The following SAMD5 variants were observed in gnomAD, a reference collection of about 807,000 sequenced individuals.
The protein encoded by SAMD5 is sterile alpha motif domain containing 5.
In SAMD5, 13 loss-of-function variants were observed where a neutral mutation model predicts 11.3. The observed-to-expected ratio is 1.15, with a 90% confidence interval of 0.75 to 1.83. The LOEUF (loss-of-function observed/expected upper bound fraction) is 1.83. SAMD5 is among the 40% of genes most tolerant of loss of function. SAMD5 has a pLI of 0.00. For synonymous variants in SAMD5, 129 were observed against 111.3 expected (o/e 1.16, Z -1.00); for missense variants, 255 against 239.1 (o/e 1.07, Z -0.44).
chr6:147,644,569 T>C (rs1790368611), intron 1 of SAMD5, among the ~76,000 whole-genome samples: 1 of 152,192 alleles, frequency 6.6e-6, no homozygotes, highest in South Asian at 2.1e-4. Context: ...TTCTAGATAA[T>C]GCATCAGTAT....
chr6:147,897,197 C>A, the SAMD5 span, among the ~76,000 whole-genome samples: 1 of 152,140 alleles, frequency 6.6e-6, no homozygotes, highest in Non-Finnish European at 1.5e-5. Flanking sequence ...TTTAAAAAAT[C>A]TTATAGCCCC....
In SAMD5 at chr6:147,508,878, T is replaced by C; in HGVS notation, c.-51T>C. The C allele has an allele frequency of 6.3e-7, 1 of 1,577,730 alleles. No individual in the cohort carries two copies. Among genetic ancestry groups the C allele is most frequent in the Non-Finnish European group, 8.6e-7 (1 of 1,163,942 alleles). On this transcript the variant is annotated 5_prime_UTR_variant, in exon 1 of 2. Transcript: ENST00000367474. ...AAGTTCCAAGAACTGGTGCCGCCCG[T>C]GCCATTTGGGCGCTGGGAAGGTGCT...
In SAMD5 at chr6:147,688,146, C is replaced by CT. The variant is rs1015479018; in HGVS notation, c.163-49163dup. Among the ~76,000 whole-genome samples the CT allele has an allele frequency of 7.9e-5, 12 of 151,574 alleles. No homozygotes were observed. The South Asian group carries it at 8.3e-4, about 10-fold the overall frequency. ...TCCTTTGTTTCTGTTTTCCTTCTTT[C>CT]TTTTTTTTAGTTTTGAGTTCCTGCT... On this transcript the variant is annotated intron_variant, in intron 1 of 1. Coordinates refer to the SAMD5 transcript ENST00000566741.
intron 1 of SAMD5, among the ~76,000 whole-genome samples, chr6:147,701,232 C>T (rs768287224): frequency 5.7e-4 from 87 of 152,124 alleles, no homozygotes; most frequent in Non-Finnish European, 9.7e-4. Context: ...AAGCACTGTA[C>T]ATTTTTGTAA....
intron 1 of SAMD5, among the ~76,000 whole-genome samples, chr6:147,622,886 C>A (rs557032072): frequency 6.6e-6 from 1 of 152,276 alleles, no homozygotes; most frequent in African/African-American, 2.4e-5. Flanking sequence ...TACGTGGTGG[C>A]AGGCAAGAGA....
intron 1 of SAMD5, among the ~76,000 whole-genome samples, chr6:147,677,791 C>T (rs191811197): frequency 6.6e-6 from 1 of 152,016 alleles, no homozygotes; most frequent in African/African-American, 2.4e-5. Context: ...TAGTAGGGAG[C>T]CTTGTGAATT....
intron 1 of SAMD5, among the ~76,000 whole-genome samples, chr6:147,538,848 A>T (rs1269371378): frequency 9.9e-5 from 15 of 152,214 alleles, no homozygotes; most frequent in Admixed American, 9.8e-4. Flanking sequence ...TCATGTGAAC[A>T]AAACGGCATT....
chr6:147,641,060 G>T (rs977161590), intron 1 of SAMD5, among the ~76,000 whole-genome samples: 1 of 152,138 alleles, frequency 6.6e-6, no homozygotes, highest in Non-Finnish European at 1.5e-5. Flanking sequence ...TCCAGTAGAC[G>T]TTAACAATGG....
chr6:147,568,881 A>G lies in SAMD5; in HGVS notation c.*4425A>G. ...TAGTCCATGATCATTAATCCCTACT[A>G]TTTTAGATATTTCCATAAAAGGCTT... On this transcript the variant is annotated 3_prime_UTR_variant, in exon 2 of 2. Coordinates refer to ENST00000367474, the MANE Select transcript of SAMD5 (RefSeq NM_001030060.3). 1.0e-6 allele frequency: 1 copy of G among 969,262 alleles called. No individual in the cohort carries two copies. The allele number at this position is 969,262 out of a possible 1,614,324, so 60.0% of individuals were successfully genotyped here.
chr6:147,606,073 A>G (rs973591852), intron 1 of SAMD5, among the ~76,000 whole-genome samples: 1 of 152,156 alleles, frequency 6.6e-6, no homozygotes, highest in Non-Finnish European at 1.5e-5. Flanking sequence ...AGACAGAATT[A>G]GGTTCTATTC....
At chr6:147,762,474 C>T in the SAMD5 span, among the ~76,000 whole-genome samples, 3 of 151,742 alleles carry the variant, frequency 2.0e-5, no homozygotes, top group Non-Finnish European at 4.4e-5. Flanking sequence ...GCTGGGATTA[C>T]AGGCATGAGC....
At chr6:147,691,064 A>G (rs73014022) in intron 1 of SAMD5, among the ~76,000 whole-genome samples, 16,917 of 149,186 alleles carry the variant, frequency 0.11, 1,068 homozygotes, top group Middle Eastern at 0.16. Flanking sequence ...GCACAACCTT[A>G]GCTTACTGCA....
chr6:147,596,617 C>T (rs922785763), intron 1 of SAMD5, among the ~76,000 whole-genome samples: 2 of 152,066 alleles, frequency 1.3e-5, no homozygotes, highest in African/African-American at 4.8e-5. Flanking sequence ...GTTCTCTTTC[C>T]CCAATTATTA....
chr6:147,670,907 T>G (rs1361712144), intron 1 of SAMD5, among the ~76,000 whole-genome samples: 1 of 152,250 alleles, frequency 6.6e-6, no homozygotes, highest in Non-Finnish European at 1.5e-5. Context: ...CTTTCCTGTT[T>G]GGCACCAGAG....
intron 1 of SAMD5, among the ~76,000 whole-genome samples, chr6:147,714,738 A>G (rs1382524826): frequency 6.6e-6 from 1 of 152,214 alleles, no homozygotes; most frequent in African/African-American, 2.4e-5. Flanking sequence ...ACAGCTTGTT[A>G]TAATACAGAT....
the SAMD5 span, among the ~76,000 whole-genome samples, chr6:147,899,635 C>T: frequency 7.9e-5 from 12 of 152,206 alleles, no homozygotes; most frequent in Non-Finnish European, 1.3e-4. Flanking sequence ...CTTACTCCAG[C>T]CTGTTCTATT....
At chr6:147,649,650 G>C (rs970769897) in intron 1 of SAMD5, among the ~76,000 whole-genome samples, 1 of 152,140 alleles carries the variant, frequency 6.6e-6, no homozygotes, top group Non-Finnish European at 1.5e-5. Flanking sequence ...AATTAGCCAG[G>C]CATGATGGCA....
chr6:147,819,806 G>A, the SAMD5 span, among the ~76,000 whole-genome samples: 1 of 152,204 alleles, frequency 6.6e-6, no homozygotes, highest in Non-Finnish European at 1.5e-5. Context: ...AATAAAAATT[G>A]CTAGAGTTAA....
intron 1 of SAMD5, among the ~76,000 whole-genome samples, chr6:147,552,976 T>A (rs111681230): frequency 0.019 from 2,882 of 152,332 alleles, 89 homozygotes; most frequent in African/African-American, 0.065. Flanking sequence ...TCTAAAGATG[T>A]GTCTAAGTAT....
Sources: allele counts gnomAD v4.1 joint callset (sites outside exome capture counted in the v4.1 genomes callset), GRCh38; gene constraint gnomAD v4.1.1; transcripts MANE v1.5; gene names NCBI Gene and HGNC (gene_info 2026-07-23, HGNC 2026-07-21).